REEP3: variants seen among roughly 807,000 people sequenced by gnomAD.
REEP3 encodes the protein receptor accessory protein 3, also known as receptor expression-enhancing protein 3.
In REEP3, 20 loss-of-function variants were observed where a neutral mutation model predicts 41.3. The observed-to-expected ratio is 0.48, with a 90% CI of 0.34 to 0.70. The LOEUF (loss-of-function observed/expected upper bound fraction) is 0.70, where lower values mean the gene tolerates loss of function less well. Among genes scored for constraint, REEP3 ranks in the 30% least tolerant of loss-of-function variants. The pLI is 0.01. For missense variants in REEP3, 271 were observed against 308.8 expected, an observed-to-expected ratio of 0.88 and a Z score of 0.92; for synonymous variants, 104 against 101.8, an observed-to-expected ratio of 1.02 and a Z score of -0.13.
chr10:63,564,446 A>T (rs1955776924), intron 1 of REEP3, among the ~76,000 whole-genome samples: 1 of 151,860 alleles, frequency 6.6e-6, no homozygotes, highest in Non-Finnish European at 1.5e-5. Context: ...AACATGGCGA[A>T]ATCCCATCTC....
intron 2 of REEP3, 65 bp downstream of exon 2, chr10:63,566,475 G>A: frequency 1.1e-6 from 1 of 916,570 alleles, no homozygotes; most frequent in Non-Finnish European, 1.7e-6. Context: ...CTGAAAAACT[G>A]CTATTCTCTT....
intron 2 of REEP3, among the ~76,000 whole-genome samples, chr10:63,566,942 C>T (rs539518636): frequency 2.6e-5 from 4 of 152,274 alleles, no homozygotes; most frequent in Non-Finnish European, 5.9e-5. Context: ...TTAGTTTCCT[C>T]TTCCCTATTC....
In REEP3 at chr10:63,599,168, A is replaced by G; in HGVS notation, c.304-2A>G. The G allele has an allele frequency of 6.6e-7, 1 of 1,504,700 alleles. No homozygotes were observed. The highest frequency in any genetic ancestry group is 9.1e-7 in the Non-Finnish European group (1 of 1,102,632). The allele number at this position is 1,504,700 out of a possible 1,614,324, so 93.2% of individuals were successfully genotyped here. On this transcript the variant is annotated splice_acceptor_variant, in intron 4 of 7. Transcript: ENST00000373758. LOFTEE classifies it high-confidence loss of function. ...ACTAACATCTGTGGCTTTTTCCCCC[A>G]GGAGATTGATGATTATATTGTACAA...
intron 1 of REEP3, among the ~76,000 whole-genome samples, chr10:63,522,207 A>G (rs1955280448): frequency 6.6e-6 from 1 of 151,578 alleles, no homozygotes; most frequent in Non-Finnish European, 1.5e-5. Flanking sequence ...CAAGATTTGC[A>G]GCTTACCGAG....
chr10:63,623,289 A>G lies in REEP3; in HGVS notation c.*2420A>G, dbSNP rs958237101. The G allele has an allele frequency of 5.3e-5, 8 of 151,920 alleles. No individual in the cohort carries two copies. Among genetic ancestry groups the G allele is most frequent in the African/African-American group, 1.2e-4 (5 of 41,336 alleles). The allele number at this position is 151,920 out of a possible 1,614,324, so 9.4% of individuals were successfully genotyped here. A position where few individuals can be genotyped will look rare whatever the true frequency, so the allele number is the denominator to read the frequency against. Reference sequence around the variant, plus strand: ...TTAAATTTTGGTTCTTTTCCTGTACATGTGTTTTAGCGGGGCCCTTTTCTT... The same window carrying G: ...TTAAATTTTGGTTCTTTTCCTGTACGTGTGTTTTAGCGGGGCCCTTTTCTT... On this transcript the variant is annotated 3_prime_UTR_variant, in exon 8 of 8. Coordinates refer to ENST00000373758, the MANE Select transcript of REEP3 (RefSeq NM_001001330.3).
chr10:63,543,886 A>C (rs1955553747), intron 1 of REEP3, among the ~76,000 whole-genome samples: 1 of 152,196 alleles, frequency 6.6e-6, no homozygotes, highest in Non-Finnish European at 1.5e-5. Context: ...AACTCATTTA[A>C]TGTTCACAGC....
intron 6 of REEP3, among the ~76,000 whole-genome samples, chr10:63,614,867 G>T (rs1956301095): frequency 6.6e-6 from 1 of 152,124 alleles, no homozygotes; most frequent in Non-Finnish European, 1.5e-5. Flanking sequence ...CTTTAGCTCA[G>T]CAAGAAACTT....
intron 2 of REEP3, among the ~76,000 whole-genome samples, chr10:63,569,478 C>CTTTT (rs11386416): frequency 6.9e-6 from 1 of 145,862 alleles, no homozygotes. Flanking sequence ...CCCAAATCTG[C>CTTTT]TTTTTTTTTT....
intron 5 of REEP3, among the ~76,000 whole-genome samples, chr10:63,607,623 G>C (rs540633652): frequency 1.4e-4 from 22 of 152,260 alleles, no homozygotes; most frequent in African/African-American, 5.1e-4. Context: ...TAATGAAAAA[G>C]AAGGGACATA....
At chr10:63,545,337 A>G (rs145999679) in intron 1 of REEP3, among the ~76,000 whole-genome samples, 102 of 152,314 alleles carry the variant, frequency 6.7e-4, no homozygotes, top group African/African-American at 2.0e-3. Flanking sequence ...ACTGTTAACT[A>G]TAGCCATCCT....
intron 1 of REEP3, among the ~76,000 whole-genome samples, chr10:63,527,953 G>GT (rs59473384): frequency 1.4e-5 from 2 of 139,964 alleles, no homozygotes; most frequent in African/African-American, 2.6e-5. Context: ...GCTTTTTTTT[G>GT]TTTTTTTTTT....
chr10:63,565,114 G>T (rs569278412), intron 1 of REEP3, among the ~76,000 whole-genome samples: 6 of 152,082 alleles, frequency 3.9e-5, no homozygotes, highest in African/African-American at 1.4e-4. Flanking sequence ...AAAAAAATTA[G>T]CCGGGCATAG....
chr10:63,619,625 A>G lies in REEP3; in HGVS notation c.566-30A>G, dbSNP rs557356268. The G allele has an allele frequency of 3.2e-6, 5 of 1,579,396 alleles. No individual in the cohort carries two copies. In the South Asian group the frequency reaches 4.6e-5, roughly 15 times the overall value. On this transcript the variant is annotated intron_variant, in intron 6 of 7. Transcript: ENST00000373758. ...CGGCGCTGACTGGTGTCCTTTTACCAAAACATGCTGTTTTTGACAACTTGT... is the reference window on the plus strand; with the variant it reads ...CGGCGCTGACTGGTGTCCTTTTACCGAAACATGCTGTTTTTGACAACTTGT...
chr10:63,549,537 A>C (rs996901043), intron 1 of REEP3, among the ~76,000 whole-genome samples: 1 of 152,204 alleles, frequency 6.6e-6, no homozygotes, highest in African/African-American at 2.4e-5. Flanking sequence ...ACTGTACTCC[A>C]GTTTGGGTGA....
chr10:63,566,858 T>C (rs2133376195), intron 2 of REEP3, among the ~76,000 whole-genome samples: 1 of 152,330 alleles, frequency 6.6e-6, no homozygotes, highest in East Asian at 1.9e-4. Context: ...GCAGTCTTTT[T>C]TCCTTCTTGA....
chr10:63,605,784 G>A (rs1214304371), intron 5 of REEP3, among the ~76,000 whole-genome samples: 2 of 152,124 alleles, frequency 1.3e-5, no homozygotes, highest in African/African-American at 2.4e-5. Flanking sequence ...ATGTCCTAGT[G>A]CCCTTGGATG....
chr10:63,598,159 T>A lies in REEP3; in HGVS notation c.303+15T>A. On this transcript the variant is annotated intron_variant, in intron 4 of 7. Coordinates refer to ENST00000373758, the MANE Select transcript of REEP3 (RefSeq NM_001001330.3). Reference sequence around the variant, plus strand: ...CAAAGGAAAGGGTAAGATATATAAATTACTTCCGTAAATAATTTTTTAGAA... The same window carrying A: ...CAAAGGAAAGGGTAAGATATATAAAATACTTCCGTAAATAATTTTTTAGAA... The A allele has an allele frequency of 6.5e-7, 1 of 1,549,364 alleles. No homozygotes were observed. Among genetic ancestry groups the A allele is most frequent in the Non-Finnish European group, 8.8e-7 (1 of 1,131,432 alleles).
intron 2 of REEP3, among the ~76,000 whole-genome samples, chr10:63,575,247 G>C (rs982868152): frequency 1.4e-4 from 21 of 152,142 alleles, no homozygotes; most frequent in Middle Eastern, 3.2e-3. Context: ...TTCTGGTGTT[G>C]CTGTTGAGAA....
intron 6 of REEP3, among the ~76,000 whole-genome samples, chr10:63,610,693 T>A (rs932347302): frequency 5.9e-5 from 9 of 152,184 alleles, no homozygotes; most frequent in Non-Finnish European, 1.2e-4. Flanking sequence ...AAAATTTACT[T>A]CTAAGCTTAT....
Sources: gnomAD v4.1 joint callset for allele counts (sites outside exome capture counted in the v4.1 genomes callset) on GRCh38, gnomAD v4.1.1 for gene constraint, MANE v1.5 for transcripts, NCBI Gene and HGNC (gene_info 2026-07-23, HGNC 2026-07-21) for gene names.